CREB3L3: variants seen among roughly 807,000 people sequenced by gnomAD.
The protein encoded by CREB3L3 is cAMP responsive element binding protein 3 like 3.
CREB3L3 carries 40 observed loss-of-function variants against 44.6 expected under a neutral mutation model. The ratio of observed to expected loss-of-function variants is 0.90; its 90% CI spans 0.70 to 1.17. The LOEUF (loss-of-function observed/expected upper bound fraction) is 1.17, where lower values mean the gene tolerates loss of function less well. CREB3L3 is among the 50% of genes most tolerant of loss of function. The probability of loss-of-function intolerance (pLI) is 0.00; values close to 1 mark genes in which losing one functional copy is unlikely to be tolerated. For synonymous variants in CREB3L3, 273 were observed against 256.3 expected (o/e 1.06, Z -0.62); for missense variants, 578 against 595.8 (o/e 0.97, Z 0.31).
intron 2 of CREB3L3, among the ~76,000 whole-genome samples, chr19:4,156,148 T>TC (rs1316871767): frequency 2.2e-5 from 2 of 92,198 alleles, no homozygotes; most frequent in African/African-American, 1.0e-4. Flanking sequence ...TCTCTCTCTC[T>TC]CCCCCTCCCT....
intron 1 of CREB3L3, among the ~76,000 whole-genome samples, chr19:4,154,523 C>T (rs972893758): frequency 3.9e-5 from 6 of 152,076 alleles, no homozygotes; most frequent in Non-Finnish European, 7.4e-5. Flanking sequence ...GTGTGTGCCA[C>T]CGCAGCCAGC....
At chr19:4,164,768 G>A in intron 5 of CREB3L3, 128 bp downstream of exon 5, 5 of 1,127,192 alleles carry the variant, frequency 4.4e-6, no homozygotes, top group South Asian at 4.0e-5. Flanking sequence ...GGATGCAGTG[G>A]CACGATCTCA....
In CREB3L3 at chr19:4,172,688, CAG is replaced by C; in HGVS notation, c.*721_*722del. The C allele has an allele frequency of 4.2e-6, 1 of 235,876 alleles. No individual in the cohort carries two copies. The highest frequency in any genetic ancestry group is 8.4e-6 in the Non-Finnish European group (1 of 119,228). 14.6% of individuals were successfully genotyped at this position (235,876 alleles called of 1,614,324 possible). On this transcript the variant is annotated 3_prime_UTR_variant, in exon 10 of 10. Transcript: ENST00000078445. ...ACAGACAGACAGACACAGCCTGAAA[CAG>C]ACCCAGACAGACAGACAGACACAGC... is the stretch of plus-strand genomic sequence containing the variant.
intron 4 of CREB3L3, among the ~76,000 whole-genome samples, chr19:4,163,003 G>GA (rs2041679084): frequency 6.6e-6 from 1 of 151,792 alleles, no homozygotes; most frequent in Admixed American, 6.6e-5. Flanking sequence ...ATAATACAAT[G>GA]AAAAGAAGAA....
At chr19:4,156,105 CTCTCTCTCTCTCT>C (rs1166877162) in intron 2 of CREB3L3, among the ~76,000 whole-genome samples, 2 of 140,626 alleles carry the variant, frequency 1.4e-5, no homozygotes, top group African/African-American at 5.4e-5. Flanking sequence ...CTCTCTCTCT[CTCTCTCTCTCTCT>C]CCCCCCCTCT....
At chr19:4,159,856 C>T in intron 4 of CREB3L3, 74 bp downstream of exon 4, 1 of 782,748 alleles carries the variant, frequency 1.3e-6, no homozygotes, top group South Asian at 1.3e-5. Flanking sequence ...CCTAAATATC[C>T]CCGTTTCAGA....
At chr19:4,156,485 C>G (rs1377122986) in intron 2 of CREB3L3, among the ~76,000 whole-genome samples, 2 of 150,770 alleles carry the variant, frequency 1.3e-5, no homozygotes, top group Non-Finnish European at 3.0e-5. Context: ...CCGTGCCTGG[C>G]TCTTTTGTTT....
chr19:4,172,472 C>G lies in CREB3L3; in HGVS notation c.*503C>G, dbSNP rs1177131800. 1 of 286,028 alleles carries G rather than the reference C, an allele frequency of 3.5e-6. No homozygotes were observed. Among genetic ancestry groups the G allele is most frequent in the Non-Finnish European group, 6.7e-6 (1 of 149,722 alleles). 17.7% of individuals were successfully genotyped at this position (286,028 alleles called of 1,614,324 possible). A position where few individuals can be genotyped will look rare whatever the true frequency, so the allele number is the denominator to read the frequency against. On this transcript the variant is annotated 3_prime_UTR_variant, in exon 10 of 10. Coordinates refer to ENST00000078445, the MANE Select transcript of CREB3L3 (RefSeq NM_032607.3). The stretch of plus-strand genomic sequence containing the variant: ...AGACAGACACAGCCTGAAACAGACC[C>G]GGACAGACAGACAGACACAGCCTGA...
intron 5 of CREB3L3, among the ~76,000 whole-genome samples, chr19:4,166,171 T>G (rs1213237280): frequency 6.7e-6 from 1 of 150,130 alleles, no homozygotes; most frequent in African/African-American, 2.4e-5. Flanking sequence ...TCACTCCAAC[T>G]TCCCCCTCTG....
intron 5 of CREB3L3, among the ~76,000 whole-genome samples, chr19:4,165,342 T>G (rs1318838661): frequency 6.9e-6 from 1 of 145,714 alleles, no homozygotes; most frequent in Non-Finnish European, 1.5e-5. Context: ...TAATTTAATT[T>G]TTTTTTTTTT....
chr19:4,161,412 C>T (rs72978979), intron 4 of CREB3L3, among the ~76,000 whole-genome samples: 19,385 of 152,132 alleles, frequency 0.13, 1,351 homozygotes, highest in Middle Eastern at 0.15. Context: ...TGCGCCCCGC[C>T]TGGGGCTTTT....
rs576494147 is a variant in CREB3L3 at position 4,164,499 on chromosome 19, G to A, written c.577-4G>A. On this transcript the variant is annotated splice_polypyrimidine_tract_variant and splice_region_variant and intron_variant, in intron 4 of 9. Coordinates refer to ENST00000078445, the MANE Select transcript of CREB3L3 (RefSeq NM_032607.3). ...CGCCGTCATTCCTCTGATTTTTTCCGTAGCAACAGCATCACCTGGGGGCCT... is the reference window on the plus strand; with the variant it reads ...CGCCGTCATTCCTCTGATTTTTTCCATAGCAACAGCATCACCTGGGGGCCT... 1.2e-4 allele frequency: 186 copies of A among 1,613,830 alleles called. 3 individuals are homozygous for A. In the South Asian group the frequency reaches 1.7e-3, roughly 15 times the overall value.
In CREB3L3 at chr19:4,159,673, G is replaced by T. The variant is rs779552510; in HGVS notation, c.467G>T (p.Ser156Ile). 6 of 1,527,876 alleles carry T rather than the reference G, an allele frequency of 3.9e-6. No individual in the cohort carries two copies. The African/African-American group carries it at 8.2e-5, about 21-fold the overall frequency. 94.6% of individuals were successfully genotyped at this position (1,527,876 alleles called of 1,614,324 possible). The change falls in exon 4 of 10, where the codon AGC becomes ATC. Residue 156 changes from serine (S) to isoleucine (I), a missense_variant. Transcript: ENST00000078445. ...ASVTIDLEMW[S>I]PGGRICAEKP... ...CACCTGCCCTGGTCAGAAATGTGGA[G>T]CCCAGGAGGAAGGATCTGTGCTGAG... is the stretch of plus-strand genomic sequence containing the variant.
chr19:4,153,697 G>T lies in CREB3L3; in HGVS notation c.-51G>T, dbSNP rs775714567. 14 of 1,611,712 alleles carry T rather than the reference G, an allele frequency of 8.7e-6. No individual in the cohort carries two copies. The highest frequency in any genetic ancestry group is 1.7e-4 in the Middle Eastern group (1 of 6,054). ...AACGCTGGCGGTGGGTGGGCCTCCA[G>T]CTTGGAGCAGAGACCCCCCGAGGCA... is the stretch of plus-strand genomic sequence containing the variant. On this transcript the variant is annotated 5_prime_UTR_variant, in exon 1 of 10. Coordinates refer to ENST00000078445, the MANE Select transcript of CREB3L3 (RefSeq NM_032607.3).
intron 4 of CREB3L3, among the ~76,000 whole-genome samples, chr19:4,163,606 G>C (rs1053480149): frequency 2.6e-5 from 4 of 151,974 alleles, no homozygotes; most frequent in Non-Finnish European, 4.4e-5. Flanking sequence ...CCTGCCTCCC[G>C]GGTTCAAGCG....
In CREB3L3 at chr19:4,157,015, C is replaced by G; in HGVS notation, c.177C>G (p.Asp59Glu). The change falls in exon 3 of 10, where the codon GAC (aspartate) becomes GAG (glutamate). Residue 59 changes from aspartate (D) to glutamate (E), a missense_variant. Transcript: ENST00000078445. ...CCCAGCAGGTCCTGCCAAACCCCGA[C>G]TCTGACGACTTCCTCAGCTCCATCC... is the stretch of plus-strand genomic sequence containing the variant. ...VKDQQVLPNP[D>E]SDDFLSSILG... is the part of the protein sequence containing the mutation. 6.2e-7 allele frequency: 1 copy of G among 1,614,142 alleles called. No homozygotes were observed. The highest frequency in any genetic ancestry group is 8.5e-7 in the Non-Finnish European group (1 of 1,180,030).
In CREB3L3 at chr19:4,164,574, C is replaced by T. The variant is rs747638223; in HGVS notation, c.648C>T (p.Thr216=). 2.0e-5 allele frequency: 32 copies of T among 1,613,988 alleles called. No individual in the cohort carries two copies. Among genetic ancestry groups the T allele is most frequent in the Non-Finnish European group, 2.5e-5 (29 of 1,180,024 alleles). ...GGCACTGTCAGGAGCTGGTGCTCACCGAGGATGAGAAGAAGCTGCTGGCTA... is the reference window on the plus strand; with the variant it reads ...GGCACTGTCAGGAGCTGGTGCTCACTGAGGATGAGAAGAAGCTGCTGGCTA... The part of the protein sequence containing the change: ...GAGHCQELVL[T]EDEKKLLAKE... The change falls in exon 5 of 10, where the codon ACC becomes ACT. Residue 216 remains threonine, a synonymous_variant. Coordinates refer to ENST00000078445, the MANE Select transcript of CREB3L3 (RefSeq NM_032607.3).
chr19:4,167,348 AAGAAAGAGAG>A (rs920436528), intron 5 of CREB3L3, among the ~76,000 whole-genome samples: 7 of 98,566 alleles, frequency 7.1e-5, no homozygotes, highest in East Asian at 9.8e-4. Context: ...GAAAGAAAGA[AAGAAAGAGAG>A]AGAGAGAGAG....
At chr19:4,166,639 T>C (rs1170571568) in intron 5 of CREB3L3, among the ~76,000 whole-genome samples, 2 of 151,530 alleles carry the variant, frequency 1.3e-5, no homozygotes, top group African/African-American at 4.9e-5. Context: ...CAAGCAGTCC[T>C]CTGACCTTGG....
Sources: allele counts gnomAD v4.1 joint callset (sites outside exome capture counted in the v4.1 genomes callset), GRCh38; gene constraint gnomAD v4.1.1; transcripts MANE v1.5; gene names NCBI Gene and HGNC (gene_info 2026-07-23, HGNC 2026-07-21).